STX1A: variants seen among roughly 807,000 people sequenced by gnomAD.
STX1A encodes syntaxin 1A.
STX1A carries 4 observed loss-of-function variants against 37.8 expected under a neutral mutation model. That is an observed-to-expected ratio of 0.11 (90% CI 0.05 to 0.24). STX1A has a LOEUF of 0.24. Among genes scored for constraint, STX1A ranks in the 10% least tolerant of loss-of-function variants. The pLI is 1.00. For missense variants in STX1A, 251 were observed against 399.9 expected (o/e 0.63, Z 3.18); for synonymous variants, 135 against 147.4 (o/e 0.92, Z 0.61).
rs555429240 is a variant in STX1A, at chr7:73,709,842, G to A, written c.31-720C>T. On this transcript the variant is annotated intron_variant, in intron 1 of 9. Transcript: ENST00000222812. The surrounding 1 kb of genome is among the most constrained non-coding windows in gnomAD (Gnocchi z 4.2). ...CTAAACCCCAGTCCCGAGGTGGCAC[G>A]GATCAGATCTCTTAGGAATCTCCTG... Among the ~76,000 whole-genome samples the A allele has an allele frequency of 9.2e-5, 14 of 152,232 alleles. No individual in the cohort carries two copies. Among genetic ancestry groups the A allele is most frequent in the South Asian group, 2.1e-4 (1 of 4,802 alleles).
Position 73,700,119 on chromosome 7 carries a change from T to G in STX1A, c.*288A>C. On this transcript the variant is annotated 3_prime_UTR_variant, in exon 10 of 10. Coordinates refer to ENST00000222812, the MANE Select transcript of STX1A (RefSeq NM_004603.4). The surrounding 1 kb of genome is among the most constrained non-coding windows in gnomAD (Gnocchi z 4.4). Reference sequence around the variant, plus strand: ...ACTGAAGGCAAGGAAGGGTGGCCTGTGTCACCCTGGCGGCCCTGCCTGGGT... The same window carrying G: ...ACTGAAGGCAAGGAAGGGTGGCCTGGGTCACCCTGGCGGCCCTGCCTGGGT... 1 of 503,434 alleles carries G rather than the reference T, an allele frequency of 2.0e-6. No individual in the cohort carries two copies. The highest frequency in any genetic ancestry group is 3.6e-6 in the Non-Finnish European group (1 of 277,526). The allele number at this position is 503,434 out of a possible 1,614,324, so 31.2% of individuals were successfully genotyped here.
Position 73,709,370 on chromosome 7 carries a change from G to A in STX1A, c.31-248C>T, listed in dbSNP as rs1437956718. 6.6e-6 allele frequency among the ~76,000 whole-genome samples: 1 copy of A among 151,868 alleles called. No homozygotes were observed. Among genetic ancestry groups the A allele is most frequent in the Non-Finnish European group, 1.5e-5 (1 of 67,986 alleles). On this transcript the variant is annotated intron_variant, in intron 1 of 9. Transcript: ENST00000222812. The surrounding 1 kb of genome is among the most constrained non-coding windows in gnomAD (Gnocchi z 4.2). ...TGTCAAGGCCAAGTCTCAGCCTCTG[G>A]GCCAGGGACTTCCTCCCTCACCTAT...
chr7:73,718,049 G>T (rs1018539087), intron 1 of STX1A, among the ~76,000 whole-genome samples: 4 of 152,198 alleles, frequency 2.6e-5, no homozygotes, highest in African/African-American at 4.8e-5. Context: ...CACACCCTCA[G>T]GTAACCTACC....
At position 73,702,729 on chromosome 7, in the gene STX1A, C is replaced by T; in HGVS notation, c.678+116G>A. ...AGTTTCAACAGCGGGTGATTGGTTA[C>T]CTGAGAACTTGGTCCCTCCCCGGCA... On this transcript the variant is annotated intron_variant, in intron 8 of 9. Transcript: ENST00000222812. The surrounding 1 kb of genome is among the most constrained non-coding windows in gnomAD (Gnocchi z 4.7). 3 of 1,569,068 alleles carry T rather than the reference C, an allele frequency of 1.9e-6. No individual in the cohort carries two copies. Among genetic ancestry groups the T allele is most frequent in the Non-Finnish European group, 2.6e-6 (3 of 1,154,142 alleles).
rs1486567255 is a variant in STX1A at position 73,699,697 on chromosome 7, T to A, written c.*710A>T. ...GGGACTGACTGCAGCCTGCTTTGCC[T>A]CCCTAGCTGCTGGGGTGGCTGGAAA... On this transcript the variant is annotated 3_prime_UTR_variant, in exon 10 of 10. Transcript: ENST00000222812. 8.5e-5 allele frequency: 13 copies of A among 152,852 alleles called. No homozygotes were observed. The highest frequency in any genetic ancestry group is 3.1e-4 in the African/African-American group (13 of 41,418). 9.5% of individuals were successfully genotyped at this position (152,852 alleles called of 1,614,324 possible).
At chr7:73,703,165 C>A (rs917885010) in intron 7 of STX1A, among the ~76,000 whole-genome samples, 183 bp from the exon 8 acceptor site, 4 of 152,208 alleles carry the variant, frequency 2.6e-5, no homozygotes, top group Admixed American at 6.5e-5. Flanking sequence ...TACCTAATTT[C>A]TCTGCAAGCC....
chr7:73,710,820 G>C (rs1554617840), intron 1 of STX1A, among the ~76,000 whole-genome samples: 1 of 152,226 alleles, frequency 6.6e-6, no homozygotes, highest in African/African-American at 2.4e-5. Flanking sequence ...GACGGAGGCA[G>C]GTGGAGGTTG....
In STX1A at chr7:73,709,200, G is replaced by T; in HGVS notation, c.31-78C>A. The T allele has an allele frequency of 1.4e-6, 2 of 1,448,554 alleles. No homozygotes were observed. Among genetic ancestry groups the T allele is most frequent in the Non-Finnish European group, 1.9e-6 (2 of 1,044,738 alleles). The allele number at this position is 1,448,554 out of a possible 1,614,324, so 89.7% of individuals were successfully genotyped here. On this transcript the variant is annotated intron_variant, in intron 1 of 9. Coordinates refer to ENST00000222812, the MANE Select transcript of STX1A (RefSeq NM_004603.4). This position sits in a 1 kb window ranked among gnomAD's most constrained non-coding sequence, Gnocchi z 4.2. ...CACACGCAGGTGCCCAGGGTACAGC[G>T]CCAGGGCCCTGCCCCTCCCCCTCTC...
At chr7:73,711,366 G>A (rs1404407147) in intron 1 of STX1A, 1 of 153,420 alleles carries the variant, frequency 6.5e-6, no homozygotes, top group Non-Finnish European at 1.5e-5. Context: ...CTCATGGGGA[G>A]AGGGGGTAGT....
intron 1 of STX1A, chr7:73,716,745 G>A (rs2116777442): frequency 6.6e-6 from 1 of 152,418 alleles, no homozygotes; most frequent in Admixed American, 6.5e-5. Flanking sequence ...CTGGCACATA[G>A]ACAAATACAT....
Position 73,713,306 on chromosome 7 carries a change from G to T in STX1A, c.31-4184C>A, listed in dbSNP as rs1177139792. On this transcript the variant is annotated intron_variant, in intron 1 of 9. Transcript: ENST00000222812. Reference sequence around the variant, plus strand: ...ACTGATAAGGACGCGGGATGGCAGAGCCCCACTGCCACCCTCACCTCCTCT... The same window carrying T: ...ACTGATAAGGACGCGGGATGGCAGATCCCCACTGCCACCCTCACCTCCTCT... Among the ~76,000 whole-genome samples the T allele has an allele frequency of 2.0e-5, 3 of 152,146 alleles. No individual in the cohort carries two copies. In the East Asian group the frequency reaches 5.8e-4, roughly 29 times the overall value.
intron 1 of STX1A, among the ~76,000 whole-genome samples, chr7:73,713,552 G>A (rs1554618275): frequency 6.6e-6 from 1 of 152,196 alleles, no homozygotes; most frequent in Non-Finnish European, 1.5e-5. Context: ...AACATAGCAA[G>A]ACCCCATCTC....
In STX1A at chr7:73,709,932, G is replaced by T. The variant is rs782144244; in HGVS notation, c.31-810C>A. Among the ~76,000 whole-genome samples the T allele has an allele frequency of 6.6e-6, 1 of 151,906 alleles. No homozygotes were observed. The highest frequency in any genetic ancestry group is 6.6e-5 in the Admixed American group (1 of 15,246). ...TTTTTGTAGAGACGGGGGTCTCACTGTGTTACCCAGGCTGGTCTTGAACTC... is the reference window on the plus strand; with the variant it reads ...TTTTTGTAGAGACGGGGGTCTCACTTTGTTACCCAGGCTGGTCTTGAACTC... On this transcript the variant is annotated intron_variant, in intron 1 of 9. Coordinates refer to ENST00000222812, the MANE Select transcript of STX1A (RefSeq NM_004603.4). This position sits in a 1 kb window ranked among gnomAD's most constrained non-coding sequence, Gnocchi z 4.2.
chr7:73,705,087 G>T lies in STX1A; in HGVS notation c.283+63C>A. 1.3e-6 allele frequency: 2 copies of T among 1,522,924 alleles called. No individual in the cohort carries two copies. The highest frequency in any genetic ancestry group is 1.1e-5 in the South Asian group (1 of 89,236). The allele number at this position is 1,522,924 out of a possible 1,614,324, so 94.3% of individuals were successfully genotyped here. ...CCCCTCAGGGCGAGCAAAACCCCAT[G>T]GGCTCCGCAGAGGAAGCAGGCCTAG... On this transcript the variant is annotated intron_variant, in intron 4 of 9. Coordinates refer to ENST00000222812, the MANE Select transcript of STX1A (RefSeq NM_004603.4). This position sits in a 1 kb window ranked among gnomAD's most constrained non-coding sequence, Gnocchi z 5.2.
intron 3 of STX1A, among the ~76,000 whole-genome samples, 186 bp downstream of exon 3, chr7:73,708,403 A>G (rs1240388660): frequency 2.6e-5 from 4 of 152,038 alleles, no homozygotes; most frequent in Admixed American, 2.0e-4. Flanking sequence ...CTGACCCCCC[A>G]GTTCCAAGCC....
chr7:73,717,541 C>A lies in STX1A; in HGVS notation c.30+2061G>T, dbSNP rs1426015995. Among the ~76,000 whole-genome samples, 4 of 152,120 alleles carry A rather than the reference C, an allele frequency of 2.6e-5. No individual in the cohort carries two copies. Among genetic ancestry groups the A allele is most frequent in the Admixed American group, 2.0e-4 (3 of 15,276 alleles). ...GGAAAGCAGCCTGTGGGAACAGTGGCCCCACCAAGACTGACTGTCTCACCC... is the reference window on the plus strand; with the variant it reads ...GGAAAGCAGCCTGTGGGAACAGTGGACCCACCAAGACTGACTGTCTCACCC... On this transcript the variant is annotated intron_variant, in intron 1 of 9. Coordinates refer to ENST00000222812, the MANE Select transcript of STX1A (RefSeq NM_004603.4). This position sits in a 1 kb window ranked among gnomAD's most constrained non-coding sequence, Gnocchi z 4.1.
chr7:73,710,215 G>T (rs781870465), intron 1 of STX1A, among the ~76,000 whole-genome samples: 1 of 152,242 alleles, frequency 6.6e-6, no homozygotes, highest in Non-Finnish European at 1.5e-5. Context: ...CCCCATCGTG[G>T]GGCAGGGGTA....
At chr7:73,703,703 G>A (rs35459363) in intron 7 of STX1A, 52 bp downstream of exon 7, 681,514 of 1,585,792 alleles carry the variant, frequency 0.43, 149,382 homozygotes, top group Middle Eastern at 0.52. Flanking sequence ...GGTCATGGAC[G>A]TAGGGAACAT....
At chr7:73,707,061 G>A (rs78791161) in intron 3 of STX1A, among the ~76,000 whole-genome samples, 1,963 of 152,294 alleles carry the variant, frequency 0.013, 16 homozygotes, top group South Asian at 0.018. Flanking sequence ...GGGCTTGGGG[G>A]TGAGGGGTCA....
Sources: gnomAD v4.1 joint callset for allele counts (sites outside exome capture counted in the v4.1 genomes callset) on GRCh38, gnomAD v4.1.1 for gene constraint, Gnocchi (gnomAD v3.1) non-coding constraint, MANE v1.5 for transcripts, NCBI Gene and HGNC (gene_info 2026-07-23, HGNC 2026-07-21) for gene names.